PURG: variants seen among roughly 807,000 people sequenced by gnomAD.
PURG encodes the protein purine rich element binding protein G, also known as purine-rich element-binding protein gamma.
A neutral mutation model predicts 24.3 loss-of-function variants in PURG; 3 were observed. The observed-to-expected ratio is 0.12, with a 90% confidence interval of 0.06 to 0.32. The LOEUF is 0.32. PURG is among the 10% of genes least tolerant of loss of function. PURG has a pLI of 1.00. For synonymous variants in PURG, 180 were observed against 173.1 expected (o/e 1.04, Z -0.31); for missense variants, 371 against 439.1 (o/e 0.84, Z 1.39).
In PURG at chr8:31,031,138, A is replaced by C. The variant is rs1811191737; in HGVS notation, c.*601T>G. On this transcript the variant is annotated 3_prime_UTR_variant, in exon 2 of 2. Coordinates refer to ENST00000523392, the MANE Select transcript of PURG (RefSeq NM_001323311.2). ...TTACCACAAAGTTTGAAATTATAGAATACTATAGTATTCTTAAGAAATATT... is the reference window on the plus strand; with the variant it reads ...TTACCACAAAGTTTGAAATTATAGACTACTATAGTATTCTTAAGAAATATT... 1.3e-5 allele frequency: 2 copies of C among 152,672 alleles called. No homozygotes were observed. The highest frequency in any genetic ancestry group is 2.9e-5 in the Non-Finnish European group (2 of 68,044). 9.5% of individuals were successfully genotyped at this position (152,672 alleles called of 1,614,324 possible).
chr8:31,013,219 A>G (rs1221062575), intron 1 of PURG, among the ~76,000 whole-genome samples: 1 of 152,224 alleles, frequency 6.6e-6, no homozygotes, highest in Non-Finnish European at 1.5e-5. Flanking sequence ...AATGGTGATC[A>G]ACAAACCAAA....
chr8:31,029,430 TAA>T (rs1412190271), downstream of PURG, among the ~76,000 whole-genome samples: 1 of 151,770 alleles, frequency 6.6e-6, no homozygotes, highest in Non-Finnish European at 1.5e-5. Flanking sequence ...TACAATGAGT[TAA>T]AGATATTTAT....
In PURG at chr8:31,030,899, T is replaced by C. The variant is rs1281060410; in HGVS notation, c.*840A>G. ...AAGAAACCTCTTGCAATCTTTAAAT[T>C]AGCATGAAAAGCTACACCACCAAGA... On this transcript the variant is annotated 3_prime_UTR_variant, in exon 2 of 2. Transcript: ENST00000523392. The C allele has an allele frequency of 6.6e-6, 1 of 152,228 alleles. No individual in the cohort carries two copies. The highest frequency in any genetic ancestry group is 1.5e-5 in the Non-Finnish European group (1 of 67,962). 9.4% of individuals were successfully genotyped at this position (152,228 alleles called of 1,614,324 possible). A position where few individuals can be genotyped will look rare whatever the true frequency, so the allele number is the denominator to read the frequency against.
intron 1 of PURG, among the ~76,000 whole-genome samples, chr8:31,000,790 T>C (rs1159490965): frequency 1.3e-5 from 2 of 152,204 alleles, no homozygotes; most frequent in East Asian, 1.9e-4. Context: ...AATTCATCTT[T>C]TGAGGGTGTA....
intron 1 of PURG, among the ~76,000 whole-genome samples, chr8:31,003,010 C>A (rs1441362152): frequency 6.6e-6 from 1 of 152,154 alleles, no homozygotes; most frequent in African/African-American, 2.4e-5. Flanking sequence ...ATCCTTGAGG[C>A]TTAGTATGAC....
intron 1 of PURG, among the ~76,000 whole-genome samples, chr8:31,001,189 C>T (rs919003390): frequency 1.3e-5 from 2 of 152,160 alleles, no homozygotes; most frequent in Non-Finnish European, 2.9e-5. Context: ...AATACACACA[C>T]GTATTTTCTT....
At position 31,031,993 on chromosome 8, in the gene PURG, C is replaced by T; in HGVS notation, c.790G>A (p.Gly264Arg). The T allele has an allele frequency of 2.5e-6, 4 of 1,614,154 alleles. No homozygotes were observed. The highest frequency in any genetic ancestry group is 3.4e-6 in the Non-Finnish European group (4 of 1,180,026). ...GDDDPLELPE[G>R]TSFRVDNKRF... The stretch of plus-strand genomic sequence containing the variant: ...TTATTGTCCACTCTGAAAGAAGTCC[C>T]CTCTGGGAGTTCAAGCGGGTCATCG... The change falls in exon 2 of 2, where the codon GGG (glycine) becomes AGG (arginine). Residue 264 changes from glycine to arginine, a missense_variant. Gly to Arg is a moderately radical substitution (Grantham distance 125, BLOSUM62 -2). Coordinates refer to ENST00000523392, the MANE Select transcript of PURG (RefSeq NM_001323311.2).
chr8:31,027,646 T>C (rs1045245541), downstream of PURG, among the ~76,000 whole-genome samples: 1 of 151,688 alleles, frequency 6.6e-6, no homozygotes, highest in Non-Finnish European at 1.5e-5. Flanking sequence ...AAATACATGA[T>C]TATATTAAGG....
chr8:31,008,378 A>C (rs1005434449), intron 1 of PURG, among the ~76,000 whole-genome samples: 1 of 152,124 alleles, frequency 6.6e-6, no homozygotes, highest in Non-Finnish European at 1.5e-5. Context: ...GCTCGCTGCC[A>C]CTGCAACCTC....
intron 1 of PURG, among the ~76,000 whole-genome samples, chr8:31,003,901 G>C (rs761915013): frequency 2.0e-5 from 3 of 152,224 alleles, no homozygotes; most frequent in Admixed American, 6.5e-5. Flanking sequence ...CTTGAAGGTG[G>C]AGATGGTAAG....
intron 1 of PURG, among the ~76,000 whole-genome samples, chr8:31,001,431 T>A (rs1036334289): frequency 1.3e-5 from 2 of 152,226 alleles, no homozygotes; most frequent in Non-Finnish European, 2.9e-5. Context: ...GCAAAGTTAA[T>A]GCATTGCTTG....
rs1242200350 is a variant in PURG at position 31,032,245 on chromosome 8, T to A, written c.538A>T (p.Asn180Tyr). The A allele has an allele frequency of 6.2e-7, 1 of 1,614,044 alleles. No individual in the cohort carries two copies. Among genetic ancestry groups the A allele is most frequent in the African/African-American group, 1.3e-5 (1 of 74,932 alleles). Reference sequence around the variant, plus strand: ...TTTAGGTCTAGGTAATATTTCCTATTGTCCCTCTCGATATAGTCTGTTTTC... The same window carrying A: ...TTTAGGTCTAGGTAATATTTCCTATAGTCCCTCTCGATATAGTCTGTTTTC... ...VLKTDYIERD[N>Y]RKYYLDLKEN... The change falls in exon 2 of 2, where the codon AAT becomes TAT. Residue 180 changes from asparagine to tyrosine, a missense_variant. Around this residue, in one of 5 missense-constraint regions of PURG, gnomAD observed 213 missense variants for 230.6 expected, o/e 0.92. Transcript: ENST00000523392. The surrounding 1 kb of genome is among the most constrained non-coding windows in gnomAD (Gnocchi z 5.9).
At chr8:31,026,783 T>C (rs1383752475), downstream of PURG, among the ~76,000 whole-genome samples, 3 of 151,186 alleles carry the variant, frequency 2.0e-5, no homozygotes, top group African/African-American at 7.3e-5. Flanking sequence ...ACTATATGTA[T>C]GTTTTTCCCT....
intron 1 of PURG, among the ~76,000 whole-genome samples, chr8:31,010,248 G>T (rs2129796123): frequency 6.6e-6 from 1 of 152,290 alleles, no homozygotes; most frequent in Middle Eastern, 3.4e-3. Flanking sequence ...TGCAAAGCAG[G>T]TGCCATGACA....
intron 1 of PURG, among the ~76,000 whole-genome samples, chr8:30,997,578 T>A (rs1409851660): frequency 6.6e-6 from 1 of 151,514 alleles, no homozygotes; most frequent in African/African-American, 2.4e-5. Flanking sequence ...AAATTAGAGA[T>A]GGAAAAATGG....
intron 1 of PURG, among the ~76,000 whole-genome samples, chr8:31,000,679 A>G (rs1190435332): frequency 6.6e-6 from 1 of 152,194 alleles, no homozygotes; most frequent in East Asian, 1.9e-4. Flanking sequence ...TAGTCAAAGA[A>G]CATTAAATAA....
At chr8:30,998,660 G>A (rs886556942) in intron 1 of PURG, among the ~76,000 whole-genome samples, 1 of 151,718 alleles carries the variant, frequency 6.6e-6, no homozygotes, top group African/African-American at 2.4e-5. Flanking sequence ...TGGGGAAAGC[G>A]AAGGATGTAT....
intron 1 of PURG, among the ~76,000 whole-genome samples, chr8:31,001,980 T>C (rs894087643): frequency 6.6e-6 from 1 of 152,254 alleles, no homozygotes; most frequent in African/African-American, 2.4e-5. Flanking sequence ...ATCTTTACCT[T>C]TGCCAAACAT....
intron 1 of PURG, among the ~76,000 whole-genome samples, chr8:31,003,197 G>A (rs1810573570): frequency 6.6e-6 from 1 of 152,106 alleles, no homozygotes; most frequent in Middle Eastern, 3.4e-3. Context: ...ATATGAAGAT[G>A]GTAAAACAAC....
Sources: gnomAD v4.1 joint callset for allele counts (sites outside exome capture counted in the v4.1 genomes callset) on GRCh38, gnomAD v4.1.1 for gene constraint, gnomAD v4.1.1 regional missense constraint, Gnocchi (gnomAD v3.1) non-coding constraint, MANE v1.5 for transcripts, NCBI Gene and HGNC (gene_info 2026-07-23, HGNC 2026-07-21) for gene names.